Variants in BCKDHB observed in about 807,000 individuals in gnomAD.
The protein encoded by BCKDHB is 2-oxoisovalerate dehydrogenase subunit beta, mitochondrial.
A neutral mutation model predicts 48.5 loss-of-function variants in BCKDHB; 41 were observed. The ratio of observed to expected loss-of-function variants is 0.85; its 90% confidence interval spans 0.66 to 1.10. The LOEUF (loss-of-function observed/expected upper bound fraction) is 1.10. BCKDHB is among the 50% of genes least tolerant of loss of function. BCKDHB has a pLI of 0.00. For synonymous variants in BCKDHB, 201 were observed against 174.8 expected (o/e 1.15, Z -1.18); for missense variants, 496 against 494.2 (o/e 1.00, Z -0.03).
chr6:80,420,702 A>G, the BCKDHB span, among the ~76,000 whole-genome samples: 5 of 152,246 alleles, frequency 3.3e-5, no homozygotes, highest in Admixed American at 6.5e-5. Flanking sequence ...GCAGGTTGCT[A>G]TGTACTCCTG....
chr6:80,342,825 C>T (rs1026093484), intron 9 of BCKDHB, among the ~76,000 whole-genome samples: 1 of 152,072 alleles, frequency 6.6e-6, no homozygotes, highest in Non-Finnish European at 1.5e-5. Context: ...ACTTGAGTAA[C>T]ATTTTTTTTC....
intron 3 of BCKDHB, among the ~76,000 whole-genome samples, chr6:80,139,992 T>G (rs554187319): frequency 6.6e-6 from 1 of 152,340 alleles, no homozygotes; most frequent in East Asian, 1.9e-4. Context: ...AGCAGTGGTT[T>G]GTAGTTCTCC....
the BCKDHB span, among the ~76,000 whole-genome samples, chr6:80,446,905 T>C: frequency 6.6e-6 from 1 of 151,936 alleles, no homozygotes; most frequent in Non-Finnish European, 1.5e-5. Context: ...ATGTTTCTGG[T>C]TGGAGATGTC....
intron 9 of BCKDHB, among the ~76,000 whole-genome samples, chr6:80,323,873 C>G (rs547612765): frequency 1.3e-5 from 2 of 152,254 alleles, no homozygotes; most frequent in South Asian, 4.2e-4. Flanking sequence ...CCCGGGTTCA[C>G]GCCATTCTCC....
At chr6:80,267,979 A>C (rs992575797) in intron 8 of BCKDHB, among the ~76,000 whole-genome samples, 1 of 152,036 alleles carries the variant, frequency 6.6e-6, no homozygotes, top group Non-Finnish European at 1.5e-5. Flanking sequence ...TAACCCCCTC[A>C]CTAACATCTT....
At chr6:80,384,039 G>A in the BCKDHB span, among the ~76,000 whole-genome samples, 139,087 of 152,178 alleles carry the variant, frequency 0.91, 64,866 homozygotes, top group East Asian at 1. Context: ...TTTTCCCCCA[G>A]GAAGTTAACA....
At position 80,170,503 on chromosome 6, in the gene BCKDHB, G is replaced by T. The variant is rs181931036; in HGVS notation, c.634-779G>T. Among the ~76,000 whole-genome samples, 14 of 152,298 alleles carry T rather than the reference G, an allele frequency of 9.2e-5. No homozygotes were observed. The South Asian group carries it at 1.5e-3, about 16-fold the overall frequency. ...GTGAGACTCTTTGATCAAGCAAGTC[G>T]TGTGACCTTAGGCAAGCTACTTGTT... is the stretch of plus-strand genomic sequence containing the variant. On this transcript the variant is annotated intron_variant, in intron 5 of 9. Transcript: ENST00000320393.
intron 1 of BCKDHB, among the ~76,000 whole-genome samples, chr6:80,112,637 T>C (rs1376831339): frequency 6.6e-6 from 1 of 151,940 alleles, no homozygotes; most frequent in African/African-American, 2.4e-5. Flanking sequence ...GCCCCAAGAG[T>C]GTCCAGACTG....
At chr6:80,399,911 A>G in the BCKDHB span, among the ~76,000 whole-genome samples, 4 of 152,058 alleles carry the variant, frequency 2.6e-5, no homozygotes, top group African/African-American at 9.7e-5. Flanking sequence ...TAGAATAGAG[A>G]GCCTATAAAT....
At chr6:80,266,186 G>A (rs1375146926) in intron 8 of BCKDHB, among the ~76,000 whole-genome samples, 1 of 152,068 alleles carries the variant, frequency 6.6e-6, no homozygotes, top group Non-Finnish European at 1.5e-5. Flanking sequence ...CAAATCACAT[G>A]TTACAATTTC....
chr6:80,234,791 G>A (rs1264042296), intron 8 of BCKDHB, among the ~76,000 whole-genome samples: 1 of 151,840 alleles, frequency 6.6e-6, no homozygotes, highest in Non-Finnish European at 1.5e-5. Context: ...CAACCTAAGG[G>A]CTCATCAGTG....
chr6:80,217,088 CA>C (rs1217758088), intron 8 of BCKDHB, among the ~76,000 whole-genome samples: 2 of 151,996 alleles, frequency 1.3e-5, no homozygotes, highest in Non-Finnish European at 2.9e-5. Context: ...ACTAAAAATA[CA>C]AAAATTGCTG....
At chr6:80,421,059 A>G in the BCKDHB span, among the ~76,000 whole-genome samples, 1 of 152,198 alleles carries the variant, frequency 6.6e-6, no homozygotes, top group East Asian at 1.9e-4. Context: ...CTGTGTCTCC[A>G]CCCAAATTTC....
At chr6:80,425,374 A>G in the BCKDHB span, among the ~76,000 whole-genome samples, 1 of 152,206 alleles carries the variant, frequency 6.6e-6, no homozygotes, top group African/African-American at 2.4e-5. Context: ...ACTGTTACAG[A>G]TGCAACCACC....
At chr6:80,427,797 C>T in the BCKDHB span, among the ~76,000 whole-genome samples, 1 of 152,098 alleles carries the variant, frequency 6.6e-6, no homozygotes, top group Middle Eastern at 3.2e-3. Flanking sequence ...TTCTGCTTGC[C>T]TACTTCTTGA....
At chr6:80,319,338 C>CT (rs1273966660) in intron 9 of BCKDHB, among the ~76,000 whole-genome samples, 1 of 152,124 alleles carries the variant, frequency 6.6e-6, no homozygotes, top group Non-Finnish European at 1.5e-5. Context: ...ACCCAACTTG[C>CT]TGAATTGTGA....
At chr6:80,354,035 A>AT in the BCKDHB span, among the ~76,000 whole-genome samples, 1 of 151,978 alleles carries the variant, frequency 6.6e-6, no homozygotes, top group African/African-American at 2.4e-5. Context: ...TAATGAGATT[A>AT]TTTTTTGTAT....
chr6:80,459,417 T>G, the BCKDHB span, among the ~76,000 whole-genome samples: 1 of 152,088 alleles, frequency 6.6e-6, no homozygotes, highest in South Asian at 2.1e-4. Flanking sequence ...TCATATGAAG[T>G]ATCTAAAATA....
At position 80,183,253 on chromosome 6, in the gene BCKDHB, T is replaced by C. The variant is rs1773496031; in HGVS notation, c.742+11863T>C. 2.0e-5 allele frequency among the ~76,000 whole-genome samples: 3 copies of C among 152,174 alleles called. No individual in the cohort carries two copies. In the South Asian group the frequency reaches 6.2e-4, roughly 32 times the overall value. On this transcript the variant is annotated intron_variant, in intron 6 of 9. Coordinates refer to ENST00000320393, the MANE Select transcript of BCKDHB (RefSeq NM_183050.4). ...CTAAACAGCAGTTAATGAAAAACTA[T>C]GGAAGGATAGGGAATCATTACCACA...
Sources: gnomAD v4.1 joint callset for allele counts (sites outside exome capture counted in the v4.1 genomes callset) on GRCh38, gnomAD v4.1.1 for gene constraint, MANE v1.5 for transcripts, NCBI Gene and HGNC (gene_info 2026-07-23, HGNC 2026-07-21) for gene names.